SPHKAP: variants seen among roughly 807,000 people sequenced by gnomAD.
SPHKAP encodes SPHK1 interactor, AKAP domain containing.
In SPHKAP, 67 loss-of-function variants were observed where a neutral mutation model predicts 137.5. That is an observed-to-expected ratio of 0.49 (90% confidence interval 0.40 to 0.60). The LOEUF is 0.60. Ranked by LOEUF, SPHKAP falls within the 20% of genes least tolerant of loss-of-function variation. The probability of loss-of-function intolerance (pLI) is 0.00; values close to 1 mark genes in which losing one functional copy is unlikely to be tolerated. For missense variants in SPHKAP, 2,097 were observed against 2,069.3 expected (o/e 1.01, Z -0.26); for synonymous variants, 813 against 785.3 (o/e 1.04, Z -0.59).
intron 3 of SPHKAP, among the ~76,000 whole-genome samples, chr2:228,094,048 A>G (rs1313306212): frequency 6.6e-6 from 1 of 152,126 alleles, no homozygotes; most frequent in Non-Finnish European, 1.5e-5. Flanking sequence ...GAGAATAACC[A>G]ACAATCTAAA....
chr2:228,101,358 T>C (rs773578677), intron 3 of SPHKAP, among the ~76,000 whole-genome samples: 2 of 152,236 alleles, frequency 1.3e-5, no homozygotes, highest in Admixed American at 6.5e-5. Flanking sequence ...GCCTACTTTT[T>C]ATATACAGTT....
At chr2:228,011,356 G>A (rs938225514) in intron 7 of SPHKAP, among the ~76,000 whole-genome samples, 1 of 151,688 alleles carries the variant, frequency 6.6e-6, no homozygotes, top group African/African-American at 2.4e-5. Flanking sequence ...TTCACCATTC[G>A]CAGACCCTCA....
intron 1 of SPHKAP, among the ~76,000 whole-genome samples, chr2:228,160,478 C>T (rs1478232070): frequency 6.6e-6 from 1 of 152,110 alleles, no homozygotes; most frequent in African/African-American, 2.4e-5. Flanking sequence ...CACATGATGG[C>T]AGGATGGAGA....
At chr2:227,983,630 G>C (rs763718177) in intron 11 of SPHKAP, among the ~76,000 whole-genome samples, 4 of 84,364 alleles carry the variant, frequency 4.7e-5, no homozygotes, top group Non-Finnish European at 1.3e-4. Flanking sequence ...CAAGAAGACT[G>C]TTTGGAATGT....
In SPHKAP at chr2:228,016,906, A is replaced by C. The variant is rs978197665; in HGVS notation, c.3948T>G (p.Ala1316=). 6.2e-7 allele frequency: 1 copy of C among 1,614,064 alleles called. No individual in the cohort carries two copies. Among genetic ancestry groups the C allele is most frequent in the Non-Finnish European group, 8.5e-7 (1 of 1,180,010 alleles). ...IHETWASSIE[A]LMRKNKIIVD... ...CAATGATTTTGTTCTTGCGCATGAGAGCCTCAATGGAGCTAGCCCACGTTT... is the reference window on the plus strand; with the variant it reads ...CAATGATTTTGTTCTTGCGCATGAGCGCCTCAATGGAGCTAGCCCACGTTT... The change falls in exon 7 of 12, where the codon GCT becomes GCG. Residue 1316 remains alanine, a synonymous_variant. Transcript: ENST00000392056.
intron 3 of SPHKAP, among the ~76,000 whole-genome samples, chr2:228,036,645 A>G (rs905541333): frequency 4.6e-5 from 7 of 152,152 alleles, no homozygotes; most frequent in Non-Finnish European, 8.8e-5. Flanking sequence ...AATGTCCAAC[A>G]ATGATAGACT....
intron 3 of SPHKAP, among the ~76,000 whole-genome samples, chr2:228,066,928 G>C (rs1022457711): frequency 1.3e-5 from 2 of 152,156 alleles, no homozygotes; most frequent in African/African-American, 4.8e-5. Context: ...TGTTCAGTTT[G>C]TTAACCTTCT....
intron 1 of SPHKAP, among the ~76,000 whole-genome samples, chr2:228,163,153 G>T (rs12465409): frequency 1.1e-3 from 163 of 152,062 alleles, no homozygotes; most frequent in African/African-American, 3.9e-3. Context: ...ATTGCATGTC[G>T]GTGAGCAACT....
intron 3 of SPHKAP, among the ~76,000 whole-genome samples, chr2:228,097,380 A>C (rs1443075002): frequency 6.6e-6 from 1 of 152,256 alleles, no homozygotes; most frequent in East Asian, 1.9e-4. Flanking sequence ...CAGATACATA[A>C]AACATTTCAT....
chr2:228,170,722 T>A (rs537027277), intron 1 of SPHKAP, among the ~76,000 whole-genome samples: 1 of 152,210 alleles, frequency 6.6e-6, no homozygotes, highest in Non-Finnish European at 1.5e-5. Context: ...ACACATAACT[T>A]TTGAATCCCT....
intron 1 of SPHKAP, among the ~76,000 whole-genome samples, chr2:228,154,715 A>AT (rs35636905): frequency 0.026 from 2,944 of 115,116 alleles, 51 homozygotes; most frequent in African/African-American, 0.039. Flanking sequence ...TGCCTGGCTA[A>AT]TTTTTTTTTT....
chr2:228,017,647 T>A lies in SPHKAP; in HGVS notation c.3207A>T (p.Leu1069Phe), dbSNP rs759094441. ...GCCGGCTCCACCTGTCGCCACTCAG[T>A]AACCGATTCCGGGGATAGCCCTGCG... ...WQAQGYPRNR[L>F]LSGDRWSRLK... The change falls in exon 7 of 12, where the codon TTA (leucine) becomes TTT (phenylalanine). Residue 1069 changes from leucine (L) to phenylalanine (F), a missense_variant. Leu to Phe is a conservative substitution (Grantham distance 22). Coordinates refer to ENST00000392056, the MANE Select transcript of SPHKAP (RefSeq NM_001142644.2). The A allele has an allele frequency of 1.2e-6, 2 of 1,613,980 alleles. No homozygotes were observed. Among genetic ancestry groups the A allele is most frequent in the Admixed American group, 3.3e-5 (2 of 60,022 alleles).
chr2:228,064,965 A>G (rs559781363), intron 3 of SPHKAP, among the ~76,000 whole-genome samples: 5 of 152,216 alleles, frequency 3.3e-5, no homozygotes, highest in Non-Finnish European at 7.3e-5. Flanking sequence ...AGGATGGGGT[A>G]CATTATTTTC....
At chr2:228,005,044 G>A (rs945914510) in intron 7 of SPHKAP, among the ~76,000 whole-genome samples, 1 of 152,202 alleles carries the variant, frequency 6.6e-6, no homozygotes, top group Admixed American at 6.5e-5. Flanking sequence ...ATTTGGGGTG[G>A]AGAGTTCTCT....
intron 1 of SPHKAP, among the ~76,000 whole-genome samples, chr2:228,175,431 T>C (rs1700710837): frequency 6.6e-6 from 1 of 152,204 alleles, no homozygotes; most frequent in Non-Finnish European, 1.5e-5. Context: ...TTGGAATGTA[T>C]ACTTGTAAAA....
intron 1 of SPHKAP, among the ~76,000 whole-genome samples, chr2:228,159,673 C>T (rs1236225240): frequency 6.6e-6 from 1 of 152,160 alleles, no homozygotes; most frequent in Non-Finnish European, 1.5e-5. Flanking sequence ...AAATGGAGAT[C>T]TGGGCCTAGA....
chr2:228,052,693 G>C (rs1223123322), intron 3 of SPHKAP, among the ~76,000 whole-genome samples: 5 of 152,102 alleles, frequency 3.3e-5, no homozygotes, highest in Admixed American at 1.3e-4. Context: ...AAACATTCTA[G>C]ATATTTCTTT....
At chr2:228,048,993 G>T (rs1696161737) in intron 3 of SPHKAP, among the ~76,000 whole-genome samples, 1 of 152,098 alleles carries the variant, frequency 6.6e-6, no homozygotes, top group African/African-American at 2.4e-5. Context: ...CACCAACCTA[G>T]ACCGGGAAAG....
intron 7 of SPHKAP, among the ~76,000 whole-genome samples, chr2:228,009,541 A>G (rs1028224039): frequency 6.6e-6 from 1 of 151,972 alleles, no homozygotes; most frequent in Non-Finnish European, 1.5e-5. Context: ...ATTTCTGGAT[A>G]TGTTTCTTTT....
Sources: gnomAD v4.1 joint callset for allele counts (sites outside exome capture counted in the v4.1 genomes callset) on GRCh38, gnomAD v4.1.1 for gene constraint, MANE v1.5 for transcripts, NCBI Gene and HGNC (gene_info 2026-07-23, HGNC 2026-07-21) for gene names.